The following CRAT variants were observed in gnomAD, a reference collection of about 807,000 sequenced individuals.
The protein encoded by CRAT is carnitine O-acetyltransferase.
Under a neutral mutation model 73.7 loss-of-function variants are expected in CRAT, and 66 were observed. The observed-to-expected ratio is 0.90, with a 90% CI of 0.73 to 1.10. The LOEUF (loss-of-function observed/expected upper bound fraction) is 1.10, where lower values mean the gene tolerates loss of function less well. Among genes scored for constraint, CRAT ranks in the 50% least tolerant of loss-of-function variants. The probability of loss-of-function intolerance (pLI) is 0.00; values close to 1 mark genes in which losing one functional copy is unlikely to be tolerated. For synonymous variants in CRAT, 321 were observed against 343.2 expected (o/e 0.94, Z 0.71); for missense variants, 745 against 846.9 (o/e 0.88, Z 1.49).
At chr9:129,101,575 T>C (rs928257203) in intron 6 of CRAT, among the ~76,000 whole-genome samples, 1 of 152,230 alleles carries the variant, frequency 6.6e-6, no homozygotes, top group African/African-American at 2.4e-5. Flanking sequence ...GGAGATTCAT[T>C]TAAACTGCTA....
intron 7 of CRAT, 189 bp downstream of exon 7, chr9:129,100,322 G>T: frequency 1.4e-6 from 1 of 704,606 alleles, no homozygotes; most frequent in Non-Finnish European, 2.3e-6. Context: ...CGGTTTCCAG[G>T]CCAGAGGCAG....
chr9:129,104,757 A>ACTGTG (rs1847899939), intron 2 of CRAT, among the ~76,000 whole-genome samples: 1 of 150,952 alleles, frequency 6.6e-6, no homozygotes, highest in Non-Finnish European at 1.5e-5. Flanking sequence ...GGCGCCAGCC[A>ACTGTG]CCACACCTGG....
chr9:129,100,905 A>G (rs1462060476), intron 6 of CRAT, among the ~76,000 whole-genome samples: 2 of 152,202 alleles, frequency 1.3e-5, no homozygotes, highest in Non-Finnish European at 2.9e-5. Flanking sequence ...GCAGGCCCAC[A>G]GCACTCCTCG....
chr9:129,097,866 T>G, intron 11 of CRAT, 147 bp downstream of exon 11: 1 of 1,192,936 alleles, frequency 8.4e-7, no homozygotes, highest in Non-Finnish European at 1.2e-6. Flanking sequence ...AGCTCAGAGC[T>G]AGATTCACGG....
chr9:129,103,555 C>T lies in CRAT; in HGVS notation c.411-489G>A, dbSNP rs994727809. Among the ~76,000 whole-genome samples, 8 of 152,154 alleles carry T rather than the reference C, an allele frequency of 5.3e-5. No homozygotes were observed. Among genetic ancestry groups the T allele is most frequent in the African/African-American group, 1.4e-4 (6 of 41,418 alleles). On this transcript the variant is annotated intron_variant, in intron 3 of 13. Transcript: ENST00000318080. The surrounding 1 kb of genome is among the most constrained non-coding windows in gnomAD (Gnocchi z 4.6). ...CTCTGGGCCTCTGTGTCCCCCAGGC[C>T]GCCTTCCTCCCAGGGCTGTCTGGCC...
At position 129,099,942 on chromosome 9, in the gene CRAT, A is replaced by T. The variant is rs751964279; in HGVS notation, c.1009T>A (p.Cys337Ser). 6 of 1,613,032 alleles carry T rather than the reference A, an allele frequency of 3.7e-6. No individual in the cohort carries two copies. The highest frequency in any genetic ancestry group is 4.2e-6 in the Non-Finnish European group (5 of 1,179,740). ...GCAGCATGCTCGTACACAAGCCCAC[A>T]GGAGCCATCTTCTGCCACGATGAAC... ...LQFIVAEDGS[C>S]GLVYEHAAAE... The change falls in exon 8 of 14, where the codon TGT becomes AGT. Residue 337 changes from cysteine (C) to serine (S), a missense_variant. By Grantham distance (112) the Cys-to-Ser change is moderately radical. Coordinates refer to ENST00000318080, the MANE Select transcript of CRAT (RefSeq NM_000755.5).
chr9:129,097,665 C>T (rs562945703), intron 11 of CRAT, among the ~76,000 whole-genome samples: 2 of 151,720 alleles, frequency 1.3e-5, no homozygotes, highest in Middle Eastern at 3.4e-3. Context: ...GTCGAGATCA[C>T]ACCACTGCAC....
At chr9:129,098,809 CT>C (rs1564159679) in intron 8 of CRAT, among the ~76,000 whole-genome samples, 159 bp from the exon 9 acceptor site, 1 of 70,932 alleles carries the variant, frequency 1.4e-5, no homozygotes, top group African/African-American at 6.0e-5. Context: ...GCTTTTTTTT[CT>C]TTTTTCTTTT....
chr9:129,102,427 C>T lies in CRAT; in HGVS notation c.603G>A (p.Thr201=), dbSNP rs755536517. ...GGTAGTTGTGTACCACGGTGATGTG[C>T]GTGGGAGGCTTCTTGGTCTTGCTGA... The part of the protein sequence containing the change: ...SNFSKTKKPP[T]HITVVHNYQF... The change falls in exon 5 of 14, where the codon ACG becomes ACA. Residue 201 remains threonine, a synonymous_variant. Transcript: ENST00000318080. 1.4e-5 allele frequency: 22 copies of T among 1,614,030 alleles called. No individual in the cohort carries two copies. The highest frequency in any genetic ancestry group is 1.3e-4 in the East Asian group (6 of 44,892).
rs1349918076 is a variant in CRAT, at chr9:129,108,922, A to G, written c.28-845T>C. ...GCCTGGGCTGGAAAGAGAAGACAAGAGCCAAGATTCAGCGGGAGGCAGGTG... is the reference window on the plus strand; with the variant it reads ...GCCTGGGCTGGAAAGAGAAGACAAGGGCCAAGATTCAGCGGGAGGCAGGTG... On this transcript the variant is annotated intron_variant, in intron 1 of 13. Coordinates refer to ENST00000318080, the MANE Select transcript of CRAT (RefSeq NM_000755.5). The G allele has an allele frequency of 2.4e-6, 3 of 1,273,436 alleles. No homozygotes were observed. The East Asian group carries it at 1.7e-4, about 71-fold the overall frequency. The allele number at this position is 1,273,436 out of a possible 1,614,324, so 78.9% of individuals were successfully genotyped here. A position where few individuals can be genotyped will look rare whatever the true frequency, so the allele number is the denominator to read the frequency against.
Position 129,106,024 on chromosome 9 carries a change from C to T in CRAT, c.292-1718G>A, listed in dbSNP as rs999133143. ...TTCTCTGGCCTTCCACCCCCAGAGACCTGGGCCCACCTGCGCCCCCTCAAC... is the reference window on the plus strand; with the variant it reads ...TTCTCTGGCCTTCCACCCCCAGAGATCTGGGCCCACCTGCGCCCCCTCAAC... On this transcript the variant is annotated intron_variant, in intron 2 of 13. Transcript: ENST00000318080. This position sits in a 1 kb window ranked among gnomAD's most constrained non-coding sequence, Gnocchi z 4.0. Among the ~76,000 whole-genome samples the T allele has an allele frequency of 1.8e-4, 27 of 152,170 alleles. No individual in the cohort carries two copies. Among genetic ancestry groups the T allele is most frequent in the Non-Finnish European group, 3.1e-4 (21 of 68,022 alleles).
At chr9:129,109,236 C>T (rs1848220408) in intron 1 of CRAT, 11 of 1,304,184 alleles carry the variant, frequency 8.4e-6, no homozygotes, top group Non-Finnish European at 1.1e-5. Context: ...AGGACAGAGA[C>T]TGCCTGGCCG....
intron 6 of CRAT, among the ~76,000 whole-genome samples, chr9:129,100,898 G>A (rs571052761): frequency 1.3e-5 from 2 of 152,316 alleles, no homozygotes; most frequent in African/African-American, 4.8e-5. Flanking sequence ...GGACCCTGCA[G>A]GCCCACAGCA....
chr9:129,100,829 C>A, intron 6 of CRAT, 140 bp from the exon 7 acceptor site: 1 of 1,048,904 alleles, frequency 9.5e-7, no homozygotes, highest in Non-Finnish European at 1.3e-6. Flanking sequence ...CCCCACCTCG[C>A]CGGCCCTCCA....
chr9:129,108,635 G>C (rs1848169996), intron 1 of CRAT: 8 of 1,174,816 alleles, frequency 6.8e-6, no homozygotes, highest in Admixed American at 5.1e-5. Flanking sequence ...CGGGTGGCCT[G>C]GCATGGAGGG....
Position 129,098,592 on chromosome 9 carries a change from G to C in CRAT, c.1144C>G (p.Arg382Gly). 1 of 1,598,982 alleles carries C rather than the reference G, an allele frequency of 6.3e-7. No homozygotes were observed. Among genetic ancestry groups the C allele is most frequent in the East Asian group, 2.2e-5 (1 of 44,730 alleles). The stretch of plus-strand genomic sequence containing the variant: ...TTGATCTCGGGGGTGATGTTGAACC[G>C]CAGCTTCTTGGGCATGGGCAGGGGC... ...LVPLPMPKKLRFNITPEIKSD... is the reference protein window; with the variant it reads ...LVPLPMPKKLGFNITPEIKSD... The change falls in exon 9 of 14, where the codon CGG becomes GGG. Residue 382 changes from arginine (R) to glycine (G), a missense_variant. Physicochemically the swap from Arg to Gly is moderately radical, Grantham distance 125. Coordinates refer to ENST00000318080, the MANE Select transcript of CRAT (RefSeq NM_000755.5).
intron 7 of CRAT, 39 bp downstream of exon 7, chr9:129,100,472 C>T (rs761495641): frequency 3.1e-6 from 5 of 1,589,928 alleles, no homozygotes; most frequent in Non-Finnish European, 4.3e-6. Context: ...AGGTCCTGTT[C>T]AGGTGTGTGT....
chr9:129,105,195 G>A (rs557068923), intron 2 of CRAT, among the ~76,000 whole-genome samples: 9 of 152,180 alleles, frequency 5.9e-5, no homozygotes, highest in East Asian at 1.9e-4. Flanking sequence ...GTGAGCCACC[G>A]CGCCCGGCAA....
rs547661491 is a variant in CRAT at position 129,107,643 on chromosome 9, G to A, written c.291+171C>T. On this transcript the variant is annotated intron_variant, in intron 2 of 13. Transcript: ENST00000318080. The surrounding 1 kb of genome is among the most constrained non-coding windows in gnomAD (Gnocchi z 5.0). ...CCTACTTGAATGTTAGCTCCAAGGA[G>A]CTGGTGACTGTGTCCTTCTTGATCA... is the stretch of plus-strand genomic sequence containing the variant. 7.2e-4 allele frequency: 616 copies of A among 855,766 alleles called. 3 individuals are homozygous for A. In the African/African-American group the frequency reaches 7.9e-3, roughly 11 times the overall value. 53.0% of individuals were successfully genotyped at this position (855,766 alleles called of 1,614,324 possible). A position where few individuals can be genotyped will look rare whatever the true frequency, so the allele number is the denominator to read the frequency against.
Sources: allele counts gnomAD v4.1 joint callset (sites outside exome capture counted in the v4.1 genomes callset), GRCh38; gene constraint gnomAD v4.1.1; non-coding constraint Gnocchi (gnomAD v3.1); transcripts MANE v1.5; gene names NCBI Gene and HGNC (gene_info 2026-07-23, HGNC 2026-07-21).